The following TLK2 variants were observed in gnomAD, a reference collection of about 807,000 sequenced individuals.
TLK2 encodes tousled like kinase 2, also known as serine/threonine-protein kinase tousled-like 2.
TLK2 carries 6 observed loss-of-function variants against 117.3 expected under a neutral mutation model. That is an observed-to-expected ratio of 0.05 (90% CI 0.03 to 0.10). The LOEUF (loss-of-function observed/expected upper bound fraction) is 0.10, where lower values mean the gene tolerates loss of function less well. Among genes scored for constraint, TLK2 ranks in the 10% least tolerant of loss-of-function variants. The pLI is 1.00. For synonymous variants in TLK2, 257 were observed against 316.7 expected, an observed-to-expected ratio of 0.81 and a Z score of 2.00; for missense variants, 299 against 901.2, an observed-to-expected ratio of 0.33 and a Z score of 8.56.
At chr17:62,471,508 AG>A (rs1462583682) in intron 1 of TLK2, among the ~76,000 whole-genome samples, 1 of 152,212 alleles carries the variant, frequency 6.6e-6, no homozygotes, top group African/African-American at 2.4e-5. Flanking sequence ...TCCAATCTGG[AG>A]GCTGTTTATG....
chr17:62,487,619 T>G (rs1280734150), intron 2 of TLK2, among the ~76,000 whole-genome samples: 3 of 84,398 alleles, frequency 3.6e-5, no homozygotes, highest in African/African-American at 1.1e-4. Context: ...TTGGCAAGTA[T>G]CTTTTTTTTT....
intron 7 of TLK2, among the ~76,000 whole-genome samples, chr17:62,548,577 G>T (rs1301091399): frequency 6.6e-6 from 1 of 150,760 alleles, no homozygotes; most frequent in African/African-American, 2.4e-5. Context: ...CACTGCACCC[G>T]GCCCTATGTG....
At chr17:62,499,582 G>A (rs2144924165) in intron 2 of TLK2, among the ~76,000 whole-genome samples, 1 of 151,972 alleles carries the variant, frequency 6.6e-6, no homozygotes, top group Non-Finnish European at 1.5e-5. Context: ...AGGCAAGGTG[G>A]CTCACGCCTG....
At position 62,608,128 on chromosome 17, in the gene TLK2, G is replaced by A. The variant is rs1178791121; in HGVS notation, c.2059G>A (p.Val687Ile). The A allele has an allele frequency of 1.9e-6, 3 of 1,613,842 alleles. No individual in the cohort carries two copies. The highest frequency in any genetic ancestry group is 1.7e-6 in the Non-Finnish European group (2 of 1,179,946). ...ATEVQFPPKPVVTPEAKAFIR... is the reference protein window; with the variant it reads ...ATEVQFPPKPIVTPEAKAFIR... ...TGAAGTGCAGTTCCCGCCAAAGCCA[G>A]TAGTAACACCTGAAGCAAAGGTAAG... Residue 687 changes from valine (V) to isoleucine (I), a missense_variant, in exon 21 of 22, where the codon GTA becomes ATA. Val to Ile is a conservative substitution (Grantham distance 29). Transcript: ENST00000346027.
At chr17:62,475,668 TA>T (rs1257030021), upstream of TLK2, among the ~76,000 whole-genome samples, 2 of 150,340 alleles carry the variant, frequency 1.3e-5, no homozygotes, top group Non-Finnish European at 1.5e-5. Context: ...AAATAATAAT[TA>T]TTTTTTTTGA....
chr17:62,578,470 GC>G lies in TLK2; in HGVS notation c.1189-6del. The G allele has an allele frequency of 6.2e-7, 1 of 1,612,706 alleles. No individual in the cohort carries two copies. Among genetic ancestry groups the G allele is most frequent in the African/African-American group, 1.3e-5 (1 of 74,924 alleles). On this transcript the variant is annotated splice_polypyrimidine_tract_variant and splice_region_variant and intron_variant, in intron 13 of 21. Coordinates refer to ENST00000346027, the MANE Select transcript of TLK2 (RefSeq NM_006852.6). The stretch of plus-strand genomic sequence containing the variant: ...ATTTTGTGCTATTTCTTTCCTTTTC[GC>G]TTTAGGAGGAAGCAGAGATCCAGGC...
intron 21 of TLK2, 137 bp downstream of exon 21, chr17:62,608,285 G>T: frequency 1.5e-6 from 1 of 688,044 alleles, no homozygotes; most frequent in Non-Finnish European, 2.5e-6. Context: ...ATGAATTAAT[G>T]TTCCTAAGAA....
intron 2 of TLK2, among the ~76,000 whole-genome samples, chr17:62,494,578 G>A (rs141671676): frequency 7.8e-4 from 118 of 151,968 alleles, no homozygotes; most frequent in African/African-American, 2.7e-3. Flanking sequence ...TAGAGAAGGG[G>A]TTTCACCACG....
intron 6 of TLK2, among the ~76,000 whole-genome samples, chr17:62,531,514 CTG>C (rs1021567428): frequency 6.6e-6 from 1 of 152,118 alleles, no homozygotes; most frequent in Admixed American, 6.5e-5. Flanking sequence ...TTTTATGAAT[CTG>C]TTTCTGGTGT....
At chr17:62,576,626 T>C in intron 12 of TLK2, 83 bp from the exon 13 acceptor site, 1 of 1,023,550 alleles carries the variant, frequency 9.8e-7, no homozygotes, top group South Asian at 1.3e-5. Flanking sequence ...GAATATGTCT[T>C]ATAGTATATT....
At chr17:62,480,375 A>G (rs1434238465) in intron 1 of TLK2, among the ~76,000 whole-genome samples, 1 of 152,216 alleles carries the variant, frequency 6.6e-6, no homozygotes, top group African/African-American at 2.4e-5. Flanking sequence ...TGGTTATGGA[A>G]GTTTAAAAAT....
At chr17:62,612,303 G>A (rs993366280) in intron 21 of TLK2, 89 bp from the exon 22 acceptor site, 1 of 1,416,286 alleles carries the variant, frequency 7.1e-7, no homozygotes, top group Non-Finnish European at 9.6e-7. Context: ...TATTTGCTCT[G>A]GGCCCTGGCA....
Position 62,522,212 on chromosome 17 carries a change from G to A in TLK2, c.162G>A (p.Glu54=). 1.2e-6 allele frequency: 2 copies of A among 1,612,948 alleles called. No individual in the cohort carries two copies. The highest frequency in any genetic ancestry group is 1.1e-5 in the South Asian group (1 of 90,876). ...SLSDKEVETP[E]KKQNDQRNRK... ...TATATGGTATTTGACAGACTCCCGAGAAAAAGCAGAATGACCAGCGAAATC... is the reference window on the plus strand; with the variant it reads ...TATATGGTATTTGACAGACTCCCGAAAAAAAGCAGAATGACCAGCGAAATC... The change falls in exon 4 of 22, where the codon GAG becomes GAA. Residue 54 remains glutamate (E), a synonymous_variant. Transcript: ENST00000346027.
intron 7 of TLK2, among the ~76,000 whole-genome samples, chr17:62,546,467 G>A (rs1218605169): frequency 6.9e-6 from 1 of 145,844 alleles, no homozygotes; most frequent in Non-Finnish European, 1.5e-5. Context: ...ATAGTTTCAG[G>A]GTCTCTGTGC....
At chr17:62,489,263 C>T (rs1480367738) in intron 2 of TLK2, among the ~76,000 whole-genome samples, 1 of 149,482 alleles carries the variant, frequency 6.7e-6, no homozygotes, top group South Asian at 2.1e-4. Context: ...TGCAGTGGTG[C>T]GATTTCAGCT....
chr17:62,553,622 T>G, intron 8 of TLK2, 41 bp from the exon 9 acceptor site: 1 of 1,377,466 alleles, frequency 7.3e-7, no homozygotes, highest in Non-Finnish European at 1.0e-6. Context: ...ATATAACATG[T>G]TGAGACTAAT....
At chr17:62,596,759 C>A in intron 17 of TLK2, 85 bp downstream of exon 17, 1 of 1,135,780 alleles carries the variant, frequency 8.8e-7, no homozygotes, top group Non-Finnish European at 1.3e-6. Flanking sequence ...AACTCTGGGT[C>A]CAGGACATAC....
intron 16 of TLK2, among the ~76,000 whole-genome samples, chr17:62,590,679 A>G (rs959354811): frequency 2.6e-5 from 4 of 152,052 alleles, no homozygotes; most frequent in African/African-American, 4.8e-5. Context: ...GGGTCTCACT[A>G]TGTTGCCCAG....
chr17:62,485,422 C>G (rs556566695), intron 2 of TLK2, among the ~76,000 whole-genome samples: 9 of 152,266 alleles, frequency 5.9e-5, no homozygotes, highest in African/African-American at 1.9e-4. Flanking sequence ...ACAAAATGGC[C>G]AAATCTCCAC....
Sources: gnomAD v4.1 joint callset for allele counts (sites outside exome capture counted in the v4.1 genomes callset) on GRCh38, gnomAD v4.1.1 for gene constraint, MANE v1.5 for transcripts, NCBI Gene and HGNC (gene_info 2026-07-23, HGNC 2026-07-21) for gene names.